CARS2: variants seen among roughly 807,000 people sequenced by gnomAD.
CARS2 encodes cysteinyl-tRNA synthetase 2, mitochondrial.
CARS2 carries 52 observed loss-of-function variants against 68.8 expected under a neutral mutation model. The ratio of observed to expected loss-of-function variants is 0.76; its 90% CI spans 0.61 to 0.95. The LOEUF (loss-of-function observed/expected upper bound fraction) is 0.95. CARS2 is among the 40% of genes least tolerant of loss of function. The probability of loss-of-function intolerance (pLI) is 0.00; values close to 1 mark genes in which losing one functional copy is unlikely to be tolerated. For synonymous variants in CARS2, 314 were observed against 303.6 expected, an observed-to-expected ratio of 1.03 and a Z score of -0.36; for missense variants, 780 against 754.2, an observed-to-expected ratio of 1.03 and a Z score of -0.40.
chr13:110,673,224 C>T (rs1021945555), intron 7 of CARS2, among the ~76,000 whole-genome samples: 1 of 152,206 alleles, frequency 6.6e-6, no homozygotes, highest in Admixed American at 6.5e-5. Context: ...AGGCCAGCAT[C>T]ATCCTGATAC....
At chr13:110,712,558 CGCCTA>C in intron 1 of CARS2, 1 of 301,068 alleles carries the variant, frequency 3.3e-6, no homozygotes, top group Non-Finnish European at 6.5e-6. Flanking sequence ...CGGGGCCGGT[CGCCTA>C]GGCAACGGGC....
chr13:110,665,739 C>G lies in CARS2; in HGVS notation c.919+1601G>C. On this transcript the variant is annotated intron_variant, in intron 8 of 14. Coordinates refer to ENST00000257347, the MANE Select transcript of CARS2 (RefSeq NM_024537.4). This position sits in a 1 kb window ranked among gnomAD's most constrained non-coding sequence, Gnocchi z 4.3. ...CGCTGAACTGAGCCCTGAACGAAGT[C>G]AACGAGGAAGTGACTTCGGGGCAAT... 2.0e-6 allele frequency: 2 copies of G among 985,398 alleles called. No individual in the cohort carries two copies. Among genetic ancestry groups the G allele is most frequent in the Non-Finnish European group, 2.4e-6 (2 of 829,930 alleles). 61.0% of individuals were successfully genotyped at this position (985,398 alleles called of 1,614,324 possible).
At chr13:110,707,146 ACTGT>A (rs1461885562), upstream of CARS2, among the ~76,000 whole-genome samples, 8 of 150,492 alleles carry the variant, frequency 5.3e-5, no homozygotes, top group African/African-American at 9.8e-5. Flanking sequence ...CCCAGCAAAC[ACTGT>A]CTGCATTCCA....
intron 3 of CARS2, among the ~76,000 whole-genome samples, chr13:110,691,204 T>C (rs1046912610): frequency 6.6e-6 from 1 of 152,096 alleles, no homozygotes; most frequent in African/African-American, 2.4e-5. Context: ...TTAGTAAAGA[T>C]GGGGTTTTTC....
chr13:110,669,795 A>T (rs1011552061), intron 7 of CARS2, among the ~76,000 whole-genome samples: 5 of 152,192 alleles, frequency 3.3e-5, no homozygotes, highest in African/African-American at 1.2e-4. Context: ...GGGGTCGGGG[A>T]ATTCCCTTTC....
At chr13:110,681,612 T>C (rs1333933293) in intron 6 of CARS2, among the ~76,000 whole-genome samples, 1 of 152,180 alleles carries the variant, frequency 6.6e-6, no homozygotes, top group Admixed American at 6.5e-5. Flanking sequence ...CCAAATGAGC[T>C]GAAAACCTGC....
At chr13:110,675,596 T>G (rs1374102670) in intron 7 of CARS2, among the ~76,000 whole-genome samples, 1 of 151,942 alleles carries the variant, frequency 6.6e-6, no homozygotes, top group Non-Finnish European at 1.5e-5. Context: ...TTAGGAGATA[T>G]ACCTAACGTA....
Position 110,642,430 on chromosome 13 carries a change from GC to G in CARS2, c.1507del (p.Ala503ProfsTer15). 6.2e-7 allele frequency: 1 copy of G among 1,605,402 alleles called. No individual in the cohort carries two copies. Among genetic ancestry groups the G allele is most frequent in the Non-Finnish European group, 8.5e-7 (1 of 1,176,492 alleles). On this transcript the variant is annotated frameshift_variant, in exon 14 of 15. Coordinates refer to ENST00000257347, the MANE Select transcript of CARS2 (RefSeq NM_024537.4). LOFTEE classifies it high-confidence loss of function. ...FRQKVRQFAL[A>X]MPEATGDARR... ...GGCGTCCCCCGTGGCCTCGGGCATG[GC>G]CAGCGCAAACTGCCGGACCTTCTGC...
intron 3 of CARS2, among the ~76,000 whole-genome samples, chr13:110,691,421 C>G (rs1289171709): frequency 6.6e-6 from 1 of 152,176 alleles, no homozygotes; most frequent in African/African-American, 2.4e-5. Context: ...TAAAAACTGT[C>G]ATTTTTATAC....
rs189323995 is a variant in CARS2 at position 110,712,775 on chromosome 13, T to C, written n.399+362A>G. The C allele has an allele frequency of 1.1e-3, 779 of 713,794 alleles. 6 individuals are homozygous for C. In the African/African-American group the frequency reaches 0.012, roughly 11 times the overall value. The allele number at this position is 713,794 out of a possible 1,614,324, so 44.2% of individuals were successfully genotyped here. On this transcript the variant is annotated intron_variant and non_coding_transcript_variant, in intron 1 of 2. Coordinates refer to the CARS2 transcript ENST00000485188. ...GTCCATGACACAGGGCGGGAAGAGA[T>C]AAGGCCTAGGGAAGGCGCCCCTCGG... is the stretch of plus-strand genomic sequence containing the variant.
intron 5 of CARS2, 59 bp from the exon 6 acceptor site, chr13:110,683,193 CA>C (rs2063206668): frequency 8.9e-7 from 1 of 1,128,208 alleles, no homozygotes; most frequent in African/African-American, 1.6e-5. Flanking sequence ...AGCATATTGA[CA>C]ACCTTAACAT....
chr13:110,656,934 G>A (rs1042236093), intron 9 of CARS2, among the ~76,000 whole-genome samples: 2 of 151,156 alleles, frequency 1.3e-5, no homozygotes, highest in African/African-American at 4.9e-5. Flanking sequence ...TCACAACTGC[G>A]AATATCTTAC....
At chr13:110,700,073 C>T (rs1224656392) in intron 3 of CARS2, among the ~76,000 whole-genome samples, 1 of 152,184 alleles carries the variant, frequency 6.6e-6, no homozygotes, top group Non-Finnish European at 1.5e-5. Context: ...TGGGAGTGGC[C>T]CTGCCCCTGA....
rs190348168 is a variant in CARS2 at position 110,687,625 on chromosome 13, G to A, written c.571+96C>T. On this transcript the variant is annotated intron_variant, in intron 5 of 14. Transcript: ENST00000257347. ...ACCAGGGAGGCAGAGGTTGCAGTGA[G>A]CTGAGATAGCACCACTGCACTCCAG... The A allele has an allele frequency of 1.5e-5, 11 of 731,322 alleles. No individual in the cohort carries two copies. In the East Asian group the frequency reaches 2.6e-4, roughly 17 times the overall value. 45.3% of individuals were successfully genotyped at this position (731,322 alleles called of 1,614,324 possible). A position where few individuals can be genotyped will look rare whatever the true frequency, so the allele number is the denominator to read the frequency against.
intron 9 of CARS2, among the ~76,000 whole-genome samples, chr13:110,656,559 A>G (rs555874069): frequency 3.4e-4 from 52 of 152,204 alleles, no homozygotes; most frequent in Non-Finnish European, 6.6e-4. Flanking sequence ...GTGATGGCCC[A>G]TGGATGTGGC....
At chr13:110,661,100 T>C (rs2062492858) in intron 9 of CARS2, among the ~76,000 whole-genome samples, 1 of 152,172 alleles carries the variant, frequency 6.6e-6, no homozygotes, top group Non-Finnish European at 1.5e-5. Flanking sequence ...TTTTTTGAAT[T>C]GTCAATGAGC....
intron 12 of CARS2, chr13:110,645,629 A>C: frequency 4.7e-6 from 1 of 214,964 alleles, no homozygotes; most frequent in African/African-American, 2.3e-5. Flanking sequence ...GTCTTTCCTT[A>C]AAAAGTTCCC....
Position 110,642,499 on chromosome 13 carries a change from T to A in CARS2, c.1439A>T (p.Glu480Val), listed in dbSNP as rs754888866. The change falls in exon 14 of 15, where the codon GAG becomes GTG. Residue 480 changes from glutamate to valine, a missense_variant. Physicochemically the swap from Glu to Val is moderately radical, Grantham distance 121. Coordinates refer to ENST00000257347, the MANE Select transcript of CARS2 (RefSeq NM_024537.4). ...NQQYVSGDGS[E>V]ATLHGVVDEL... Reference sequence around the variant, plus strand: ...GTCCACCACACCATGCAAGGTAGCCTCGCTGCCGTCTCCTGAAACGTACTG... The same window carrying A: ...GTCCACCACACCATGCAAGGTAGCCACGCTGCCGTCTCCTGAAACGTACTG... 1.9e-6 allele frequency: 3 copies of A among 1,608,052 alleles called. No homozygotes were observed. Among genetic ancestry groups the A allele is most frequent in the Non-Finnish European group, 2.5e-6 (3 of 1,177,754 alleles).
chr13:110,666,576 C>T (rs1025924205), intron 8 of CARS2: 43 of 985,286 alleles, frequency 4.4e-5, no homozygotes, highest in Non-Finnish European at 4.8e-5. Flanking sequence ...CGAAGAAACC[C>T]AAGTGAACTC....
Sources: allele counts gnomAD v4.1 joint callset (sites outside exome capture counted in the v4.1 genomes callset), GRCh38; gene constraint gnomAD v4.1.1; non-coding constraint Gnocchi (gnomAD v3.1); transcripts MANE v1.5; gene names NCBI Gene and HGNC (gene_info 2026-07-23, HGNC 2026-07-21).